The following ETV6 variants were observed in gnomAD, a reference collection of about 807,000 sequenced individuals.
The protein encoded by ETV6 is transcription factor ETV6.
A neutral mutation model predicts 51.1 loss-of-function variants in ETV6; 16 were observed. That is an observed-to-expected ratio of 0.31 (90% confidence interval 0.21 to 0.48). The LOEUF (loss-of-function observed/expected upper bound fraction) is 0.48. Ranked by LOEUF, ETV6 falls within the 20% of genes least tolerant of loss-of-function variation. The pLI, the probability that ETV6 is intolerant of heterozygous loss-of-function variation, is 0.99. For missense variants in ETV6, 458 were observed against 594.8 expected (o/e 0.77, Z 2.39); for synonymous variants, 240 against 224.1 (o/e 1.07, Z -0.64).
intron 1 of ETV6, among the ~76,000 whole-genome samples, chr12:11,677,680 G>A (rs183420598): frequency 6.6e-6 from 1 of 152,280 alleles, no homozygotes; most frequent in Non-Finnish European, 1.5e-5. Flanking sequence ...TGATTGAAGT[G>A]GCTTGCTGTG....
chr12:11,765,881 G>A (rs372889357), intron 2 of ETV6, among the ~76,000 whole-genome samples: 5 of 152,332 alleles, frequency 3.3e-5, no homozygotes, highest in African/African-American at 7.2e-5. Flanking sequence ...AGGGGGAAAC[G>A]AGAGTAGGTA....
chr12:11,758,518 G>T (rs1193397925), intron 2 of ETV6, among the ~76,000 whole-genome samples: 1 of 152,092 alleles, frequency 6.6e-6, no homozygotes, highest in African/African-American at 2.4e-5. Context: ...GCTTTCAAAC[G>T]ATCCCCTGTG....
At chr12:11,727,814 T>A (rs1360626920) in intron 1 of ETV6, among the ~76,000 whole-genome samples, 9 of 152,134 alleles carry the variant, frequency 5.9e-5, no homozygotes, top group Admixed American at 2.6e-4. Flanking sequence ...TTTTAAATTT[T>A]TTTTTATTTT....
chr12:11,693,540 C>T (rs1864811823), intron 1 of ETV6, among the ~76,000 whole-genome samples: 2 of 152,322 alleles, frequency 1.3e-5, no homozygotes, highest in South Asian at 4.1e-4. Context: ...ACCTCTGGTC[C>T]TTGTCAGGCT....
intron 1 of ETV6, among the ~76,000 whole-genome samples, chr12:11,677,767 C>T (rs1374230197): frequency 6.6e-6 from 1 of 152,184 alleles, no homozygotes; most frequent in African/African-American, 2.4e-5. Flanking sequence ...CTTCCCATTG[C>T]TTAACCGTAA....
At chr12:11,650,608 A>G (rs1334286649) in intron 1 of ETV6, among the ~76,000 whole-genome samples, 1 of 150,316 alleles carries the variant, frequency 6.7e-6, no homozygotes, top group Non-Finnish European at 1.5e-5. Flanking sequence ...TTCAGTTTCC[A>G]CTGCGATAGA....
chr12:11,846,278 TCAAAG>T (rs1313852216), intron 3 of ETV6, among the ~76,000 whole-genome samples: 3 of 151,336 alleles, frequency 2.0e-5, no homozygotes, highest in Admixed American at 6.6e-5. Context: ...TGAATAAAAA[TCAAAG>T]AGAAGAGAGA....
intron 2 of ETV6, among the ~76,000 whole-genome samples, chr12:11,782,350 C>T (rs942574842): frequency 1.3e-5 from 2 of 151,900 alleles, no homozygotes; most frequent in African/African-American, 4.8e-5. Flanking sequence ...TATCTACTCT[C>T]GGTGATTTTA....
At chr12:11,784,293 G>T (rs956312673) in intron 2 of ETV6, among the ~76,000 whole-genome samples, 1 of 152,040 alleles carries the variant, frequency 6.6e-6, no homozygotes, top group South Asian at 2.1e-4. Context: ...GCTGGGCGTG[G>T]TGGCACCCGC....
intron 2 of ETV6, chr12:11,825,516 C>A (rs1388900480): frequency 6.6e-6 from 1 of 152,266 alleles, no homozygotes; most frequent in Non-Finnish European, 1.5e-5. Context: ...CTCCTCTCCT[C>A]TGCGTCTCTC....
intron 7 of ETV6, among the ~76,000 whole-genome samples, chr12:11,887,565 T>A (rs368265438): frequency 1.3e-5 from 2 of 151,892 alleles, no homozygotes; most frequent in Admixed American, 1.3e-4. Flanking sequence ...CTGGCCAACA[T>A]GGTGAAACCC....
intron 3 of ETV6, 119 bp from the exon 4 acceptor site, chr12:11,853,308 G>T: frequency 8.8e-7 from 1 of 1,135,532 alleles, no homozygotes. Flanking sequence ...GGTAGGAGGT[G>T]GCAGGTGCGC....
chr12:11,675,945 T>G, intron 1 of ETV6, among the ~76,000 whole-genome samples: 1 of 151,686 alleles, frequency 6.6e-6, no homozygotes, highest in Non-Finnish European at 1.5e-5. Context: ...AGAAAGAAAA[T>G]AAAAGAAAGG....
At position 11,820,823 on chromosome 12, in the gene ETV6, A is replaced by C. The variant is rs189427747; in HGVS notation, c.164-18317A>C. Among the ~76,000 whole-genome samples the C allele has an allele frequency of 7.3e-4, 111 of 152,304 alleles. 1 individual carries two copies. The highest frequency in any genetic ancestry group is 3.4e-3 in the Middle Eastern group (1 of 294). On this transcript the variant is annotated intron_variant, in intron 2 of 7. Transcript: ENST00000396373. ...GGATTCTGGGCAGAGTGACATGATGAAACTTACAAACAGAGGAGTGATGTG... is the reference window on the plus strand; with the variant it reads ...GGATTCTGGGCAGAGTGACATGATGCAACTTACAAACAGAGGAGTGATGTG...
intron 1 of ETV6, among the ~76,000 whole-genome samples, chr12:11,683,069 T>G (rs572855883): frequency 1.3e-5 from 2 of 152,370 alleles, no homozygotes; most frequent in South Asian, 4.1e-4. Flanking sequence ...AACATGTGAC[T>G]TTTTGAGATG....
chr12:11,681,581 T>A (rs1380013533), intron 1 of ETV6, among the ~76,000 whole-genome samples: 17 of 152,178 alleles, frequency 1.1e-4, no homozygotes, highest in Admixed American at 8.5e-4. Flanking sequence ...ATTATTATCA[T>A]TTATTATTAT....
At chr12:11,752,350 G>A (rs745643648) in intron 1 of ETV6, 100 bp from the exon 2 acceptor site, 22 of 1,291,914 alleles carry the variant, frequency 1.7e-5, no homozygotes, top group East Asian at 2.4e-5. Flanking sequence ...CCCATGCCCC[G>A]CCTCCCTTTT....
At chr12:11,890,277 T>C (rs950190890) in intron 7 of ETV6, among the ~76,000 whole-genome samples, 1 of 152,040 alleles carries the variant, frequency 6.6e-6, no homozygotes, top group Non-Finnish European at 1.5e-5. Flanking sequence ...GGAATGGAAG[T>C]GGATATACAG....
intron 2 of ETV6, among the ~76,000 whole-genome samples, chr12:11,823,676 C>T (rs1946114198): frequency 1.3e-5 from 2 of 152,138 alleles, no homozygotes; most frequent in African/African-American, 4.8e-5. Context: ...CTATGTTGGC[C>T]AGGCTGGTCT....
Sources: gnomAD v4.1 joint callset for allele counts (sites outside exome capture counted in the v4.1 genomes callset) on GRCh38, gnomAD v4.1.1 for gene constraint, MANE v1.5 for transcripts, NCBI Gene and HGNC (gene_info 2026-07-23, HGNC 2026-07-21) for gene names.